POLN: variants seen among roughly 807,000 people sequenced by gnomAD.
The protein encoded by POLN is DNA polymerase nu, also known as DNA polymerase N.
POLN carries 108 observed loss-of-function variants against 113.5 expected under a neutral mutation model. The observed-to-expected ratio is 0.95, with a 90% CI of 0.81 to 1.12. The LOEUF is 1.12. Ranked by LOEUF, POLN falls within the 50% of genes most tolerant of loss-of-function variation. The pLI, the probability that POLN is intolerant of heterozygous loss-of-function variation, is 0.00. For missense variants in POLN, 1,097 were observed against 1,077.1 expected, an observed-to-expected ratio of 1.02 and a Z score of -0.26; for synonymous variants, 386 against 391.5, an observed-to-expected ratio of 0.99 and a Z score of 0.17.
chr4:2,134,474 T>C (rs529398460), intron 16 of POLN, among the ~76,000 whole-genome samples: 5 of 152,362 alleles, frequency 3.3e-5, no homozygotes, highest in East Asian at 1.9e-4. Flanking sequence ...CAGCAATGAA[T>C]GAGTGCCTGT....
chr4:2,205,359 T>C (rs1343745852), intron 5 of POLN, among the ~76,000 whole-genome samples: 1 of 152,028 alleles, frequency 6.6e-6, no homozygotes, highest in Non-Finnish European at 1.5e-5. Context: ...AAAAATAAAA[T>C]ACTTAGGAAT....
At chr4:2,106,646 G>A (rs1233699500) in intron 19 of POLN, among the ~76,000 whole-genome samples, 2 of 152,130 alleles carry the variant, frequency 1.3e-5, no homozygotes, top group Non-Finnish European at 2.9e-5. Flanking sequence ...CAGATCCTTT[G>A]AGAGAGTTTT....
chr4:2,236,342 C>A (rs755075653), intron 2 of POLN: 1 of 1,613,230 alleles, frequency 6.2e-7, no homozygotes, highest in Non-Finnish European at 8.5e-7. Context: ...ATACTGCCAA[C>A]TGATCTTGTA....
chr4:2,183,107 G>A (rs1331805769), intron 7 of POLN, among the ~76,000 whole-genome samples: 1 of 152,176 alleles, frequency 6.6e-6, no homozygotes, highest in African/African-American at 2.4e-5. Flanking sequence ...CCATAAGGAT[G>A]TAACACTTCA....
intron 3 of POLN, among the ~76,000 whole-genome samples, chr4:2,222,309 C>A (rs962942263): frequency 6.6e-6 from 1 of 152,080 alleles, no homozygotes; most frequent in South Asian, 2.1e-4. Flanking sequence ...GTAATCCCAG[C>A]ACTTTGGTAG....
At chr4:2,212,269 G>C (rs1734011788) in intron 4 of POLN, among the ~76,000 whole-genome samples, 1 of 152,136 alleles carries the variant, frequency 6.6e-6, no homozygotes, top group Non-Finnish European at 1.5e-5. Context: ...CTGCCTTTCT[G>C]AAATTCTATT....
chr4:2,192,973 C>A (rs1317071544), intron 7 of POLN, among the ~76,000 whole-genome samples: 2 of 152,060 alleles, frequency 1.3e-5, no homozygotes, highest in Admixed American at 1.3e-4. Context: ...TAAGTTAACT[C>A]TTTCCTATTT....
Position 2,168,058 on chromosome 4 carries a change from C to T in POLN, c.1554+2621G>A, listed in dbSNP as rs183611123. On this transcript the variant is annotated intron_variant, in intron 13 of 25. Coordinates refer to ENST00000511885, the MANE Select transcript of POLN (RefSeq NM_181808.4). ...GTCAAACAATGAGAAAAAAATAATA[C>T]GTCTCAAAACTTGAAGGGTTCATTA... Among the ~76,000 whole-genome samples the T allele has an allele frequency of 3.1e-3, 466 of 152,140 alleles. 12 individuals carry two copies. Among genetic ancestry groups the T allele is most frequent in the Non-Finnish European group, 2.2e-3 (149 of 68,004 alleles).
intron 6 of POLN, among the ~76,000 whole-genome samples, chr4:2,194,185 A>C (rs1422350147): frequency 6.6e-6 from 1 of 152,212 alleles, no homozygotes; most frequent in Non-Finnish European, 1.5e-5. Context: ...AATGACTAAC[A>C]AATGGCAATG....
chr4:2,119,709 A>C (rs535935571), intron 19 of POLN, among the ~76,000 whole-genome samples: 13 of 152,332 alleles, frequency 8.5e-5, no homozygotes, highest in African/African-American at 3.1e-4. Context: ...ACATGAAATA[A>C]ACATTTTTAA....
At chr4:2,235,774 C>T (rs1055411992) in intron 2 of POLN, among the ~76,000 whole-genome samples, 10 of 151,734 alleles carry the variant, frequency 6.6e-5, no homozygotes, top group African/African-American at 1.2e-4. Context: ...TATGTGTGTG[C>T]GTAATAAAAC....
At chr4:2,078,686 C>T (rs2108688060) in intron 23 of POLN, 1 of 985,458 alleles carries the variant, frequency 1.0e-6, no homozygotes, top group Middle Eastern at 5.2e-4. Context: ...AAGAACAAAT[C>T]ACGTTCACAA....
chr4:2,198,617 T>A lies in POLN; in HGVS notation c.815A>T (p.Glu272Val). Residue 272 changes from glutamate (E) to valine (V), a missense_variant, in exon 6 of 26, where the codon GAG (glutamate) becomes GTG (valine). Coordinates refer to ENST00000511885, the MANE Select transcript of POLN (RefSeq NM_181808.4). ...PDAPACGPVL[E>V]GFVSDDPCIY... ...GCATGGATCATCTGACACAAAGCCC[T>A]CCAGAACAGGACCACAGGCCGGGGC... 1.2e-6 allele frequency: 2 copies of A among 1,613,796 alleles called. No individual in the cohort carries two copies. Among genetic ancestry groups the A allele is most frequent in the Non-Finnish European group, 1.7e-6 (2 of 1,179,962 alleles).
intron 16 of POLN, among the ~76,000 whole-genome samples, chr4:2,139,207 C>T (rs541862431): frequency 8.5e-5 from 13 of 152,134 alleles, no homozygotes; most frequent in Non-Finnish European, 1.3e-4. Flanking sequence ...GGAGGAGCCA[C>T]GGAAACGGGC....
rs1263472412 is a variant in POLN at position 2,093,651 on chromosome 4, T to A, written c.2065+2200A>T. On this transcript the variant is annotated intron_variant, in intron 20 of 25. Coordinates refer to ENST00000511885, the MANE Select transcript of POLN (RefSeq NM_181808.4). The surrounding 1 kb of genome is among the most constrained non-coding windows in gnomAD (Gnocchi z 4.1). ...CAAACTCTCATATAATTTGGCAGAG[T>A]GATGCCTTCCCCCAAGACAGAGGCC... Among the ~76,000 whole-genome samples, 1 of 151,986 alleles carries A rather than the reference T, an allele frequency of 6.6e-6. No homozygotes were observed. Among genetic ancestry groups the A allele is most frequent in the African/African-American group, 2.4e-5 (1 of 41,348 alleles).
At chr4:2,111,091 A>C (rs541927436) in intron 19 of POLN, among the ~76,000 whole-genome samples, 128 of 152,284 alleles carry the variant, frequency 8.4e-4, no homozygotes, top group African/African-American at 3.0e-3. Flanking sequence ...TCAACATATG[A>C]AAATCAATAA....
intron 16 of POLN, among the ~76,000 whole-genome samples, chr4:2,136,111 G>C (rs1248846733): frequency 6.6e-6 from 1 of 152,188 alleles, no homozygotes; most frequent in Non-Finnish European, 1.5e-5. Flanking sequence ...TCATCTCCCA[G>C]GTCCAACGAA....
At chr4:2,106,948 T>G (rs544747380) in intron 19 of POLN, among the ~76,000 whole-genome samples, 1 of 152,172 alleles carries the variant, frequency 6.6e-6, no homozygotes, top group South Asian at 2.1e-4. Flanking sequence ...TTTTTTGGCA[T>G]ATTTGTTAGG....
chr4:2,197,009 T>C (rs957020735), intron 6 of POLN, among the ~76,000 whole-genome samples: 5 of 151,920 alleles, frequency 3.3e-5, no homozygotes, highest in East Asian at 1.9e-4. Context: ...GGAGGTGAGG[T>C]TGAAGACAGC....
Sources: gnomAD v4.1 joint callset for allele counts (sites outside exome capture counted in the v4.1 genomes callset) on GRCh38, gnomAD v4.1.1 for gene constraint, Gnocchi (gnomAD v3.1) non-coding constraint, MANE v1.5 for transcripts, NCBI Gene and HGNC (gene_info 2026-07-23, HGNC 2026-07-21) for gene names.